The following C9orf85 variants were observed in gnomAD, a reference collection of about 807,000 sequenced individuals.
C9orf85 encodes chromosome 9 open reading frame 85.
Under a neutral mutation model 14.9 loss-of-function variants are expected in C9orf85, and 16 were observed. The ratio of observed to expected loss-of-function variants is 1.08; its 90% CI spans 0.73 to 1.63. C9orf85 has a LOEUF of 1.63. Ranked by LOEUF, C9orf85 falls within the 40% of genes most tolerant of loss-of-function variation. The pLI is 0.00. For missense variants in C9orf85, 172 were observed against 186.1 expected (o/e 0.92, Z 0.44); for synonymous variants, 45 against 56.8 (o/e 0.79, Z 0.93).
chr9:71,960,706 C>T (rs1822490575), intron 2 of C9orf85, among the ~76,000 whole-genome samples: 1 of 152,050 alleles, frequency 6.6e-6, no homozygotes, highest in Non-Finnish European at 1.5e-5. Context: ...GCCACCATGC[C>T]TGGCTAATTT....
At chr9:71,931,104 G>A (rs1363527982) in intron 1 of C9orf85, among the ~76,000 whole-genome samples, 2 of 152,204 alleles carry the variant, frequency 1.3e-5, no homozygotes, top group African/African-American at 4.8e-5. Flanking sequence ...GAAAACAGCT[G>A]ATTTCTGTAC....
At chr9:71,950,154 TGA>T (rs1439668680) in intron 2 of C9orf85, among the ~76,000 whole-genome samples, 1 of 152,182 alleles carries the variant, frequency 6.6e-6, no homozygotes, top group African/African-American at 2.4e-5. Flanking sequence ...AATCCAGGAT[TGA>T]GAGTGTTATA....
chr9:71,945,128 A>G (rs989908253), intron 1 of C9orf85, among the ~76,000 whole-genome samples: 1 of 152,220 alleles, frequency 6.6e-6, no homozygotes, highest in Non-Finnish European at 1.5e-5. Context: ...GAATGTTCCA[A>G]TTAGGAAGTT....
downstream of C9orf85, chr9:71,984,549 T>C (rs1823174410): frequency 1.3e-5 from 2 of 152,268 alleles, no homozygotes; most frequent in Non-Finnish European, 2.9e-5. Flanking sequence ...AGGGAGCCAC[T>C]AAGGCAGGCC....
At chr9:71,948,815 C>G (rs1051770103) in intron 2 of C9orf85, among the ~76,000 whole-genome samples, 4 of 3,208 alleles carry the variant, frequency 1.2e-3, no homozygotes, top group African/African-American at 2.1e-3. Flanking sequence ...TGAGCCACGC[C>G]CCCCCCCCCC....
At chr9:71,962,640 T>C (rs1251605802) in intron 2 of C9orf85, among the ~76,000 whole-genome samples, 2 of 152,230 alleles carry the variant, frequency 1.3e-5, no homozygotes, top group Non-Finnish European at 2.9e-5. Context: ...CTTTTATTTC[T>C]AGCAAGTAGT....
chr9:71,982,895 A>G, exon 4 of C9orf85: 1 of 252,258 alleles, frequency 4.0e-6, no homozygotes, highest in Non-Finnish European at 7.8e-6. Context: ...CAACCTCCCA[A>G]AGTGCTGGAA....
downstream of C9orf85, among the ~76,000 whole-genome samples, chr9:71,977,598 G>T (rs1037311371): frequency 3.3e-5 from 5 of 152,156 alleles, no homozygotes; most frequent in African/African-American, 9.7e-5. Flanking sequence ...AATATTCCAT[G>T]ATCCTAAACT....
chr9:71,921,499 C>T (rs1827803530), intron 1 of C9orf85, among the ~76,000 whole-genome samples: 1 of 152,254 alleles, frequency 6.6e-6, no homozygotes, highest in African/African-American at 2.4e-5. Flanking sequence ...CCCTTCCCTA[C>T]AAGATGTCCT....
intron 2 of C9orf85, among the ~76,000 whole-genome samples, chr9:71,954,247 T>C (rs1024695438): frequency 5.0e-5 from 7 of 140,004 alleles, no homozygotes; most frequent in Non-Finnish European, 1.1e-4. Context: ...TGTACTATAA[T>C]GTGAGAGTTG....
intron 2 of C9orf85, among the ~76,000 whole-genome samples, chr9:71,968,231 T>C (rs1254370409): frequency 6.6e-6 from 1 of 152,140 alleles, no homozygotes; most frequent in African/African-American, 2.4e-5. Flanking sequence ...ACATCTTTGT[T>C]CATTAGAAAT....
Position 71,942,392 on chromosome 9 carries a change from G to A in C9orf85, c.103-4614G>A, listed in dbSNP as rs892465825. 5.3e-5 allele frequency among the ~76,000 whole-genome samples: 8 copies of A among 152,198 alleles called. 1 individual carries two copies. The highest frequency in any genetic ancestry group is 2.4e-5 in the African/African-American group (1 of 41,516). On this transcript the variant is annotated intron_variant, in intron 1 of 3. Transcript: ENST00000334731. ...ACAGACAATGAGTTATGTTTTACTG[G>A]GTGCTAGAAAGCTCAGATTTCATTT...
intron 1 of C9orf85, among the ~76,000 whole-genome samples, chr9:71,935,410 A>G (rs1828165749): frequency 6.6e-6 from 1 of 152,182 alleles, no homozygotes; most frequent in African/African-American, 2.4e-5. Flanking sequence ...ATATACATAC[A>G]GTGTAATATT....
intron 3 of C9orf85, among the ~76,000 whole-genome samples, chr9:71,979,733 A>G (rs2132376826): frequency 1.3e-5 from 2 of 152,292 alleles, no homozygotes; most frequent in African/African-American, 4.8e-5. Context: ...CAAAACTATA[A>G]CTATTGCTAA....
chr9:71,957,469 T>C (rs72739890), intron 2 of C9orf85, among the ~76,000 whole-genome samples: 23,101 of 152,110 alleles, frequency 0.15, 2,090 homozygotes, highest in Non-Finnish European at 0.21. Context: ...GCAAAGAACA[T>C]AATAAATTAG....
At chr9:71,914,732 A>G (rs1481348169) in intron 1 of C9orf85, among the ~76,000 whole-genome samples, 1 of 152,216 alleles carries the variant, frequency 6.6e-6, no homozygotes, top group Non-Finnish European at 1.5e-5. Context: ...CCAGGGAATC[A>G]AAGTAACAAA....
intron 2 of C9orf85, among the ~76,000 whole-genome samples, chr9:71,960,907 C>T (rs1822498327): frequency 6.7e-6 from 1 of 149,998 alleles, no homozygotes; most frequent in Non-Finnish European, 1.5e-5. Context: ...TTTTCAGTTC[C>T]AAATTGTTTT....
At chr9:71,949,506 A>G (rs1227849326) in intron 2 of C9orf85, among the ~76,000 whole-genome samples, 1 of 152,202 alleles carries the variant, frequency 6.6e-6, no homozygotes. Flanking sequence ...TAGTTAAAAC[A>G]AGATCTTGTA....
At chr9:71,966,377 T>C (rs1253583075) in intron 2 of C9orf85, among the ~76,000 whole-genome samples, 1 of 152,208 alleles carries the variant, frequency 6.6e-6, no homozygotes, top group Non-Finnish European at 1.5e-5. Context: ...ATCATCATTT[T>C]GACATTTCTG....
Sources: gnomAD v4.1 joint callset for allele counts (sites outside exome capture counted in the v4.1 genomes callset) on GRCh38, gnomAD v4.1.1 for gene constraint, MANE v1.5 for transcripts, NCBI Gene and HGNC (gene_info 2026-07-23, HGNC 2026-07-21) for gene names.